SGCD: variants seen among roughly 807,000 people sequenced by gnomAD.
The protein encoded by SGCD is sarcoglycan delta, also known as delta-sarcoglycan.
Under a neutral mutation model 36.6 loss-of-function variants are expected in SGCD, and 18 were observed. The observed-to-expected ratio is 0.49, with a 90% CI of 0.34 to 0.73. The LOEUF (loss-of-function observed/expected upper bound fraction) is 0.73, where lower values mean the gene tolerates loss of function less well. SGCD is among the 30% of genes least tolerant of loss of function. The pLI is 0.01. For missense variants in SGCD, 387 were observed against 346.7 expected, an observed-to-expected ratio of 1.12 and a Z score of -0.92; for synonymous variants, 133 against 130.6, an observed-to-expected ratio of 1.02 and a Z score of -0.12.
the SGCD span, among the ~76,000 whole-genome samples, chr5:155,812,550 G>A: frequency 2.0e-5 from 3 of 152,286 alleles, no homozygotes; most frequent in Non-Finnish European, 4.4e-5. Flanking sequence ...ACCAAAAATA[G>A]GTAAGCAGCT....
chr5:156,346,330 A>G (rs1157841175), intron 3 of SGCD, among the ~76,000 whole-genome samples: 2 of 152,260 alleles, frequency 1.3e-5, no homozygotes, highest in East Asian at 3.9e-4. Context: ...GCAGGGTCTC[A>G]CTTTTTCACA....
intron 3 of SGCD, among the ~76,000 whole-genome samples, chr5:156,145,498 C>T (rs1762688683): frequency 6.6e-6 from 1 of 152,146 alleles, no homozygotes; most frequent in African/African-American, 2.4e-5. Flanking sequence ...CATTTTAAAG[C>T]ATCAAGATTT....
At chr5:155,960,004 G>A (rs1425848555) in intron 1 of SGCD, among the ~76,000 whole-genome samples, 2 of 152,042 alleles carry the variant, frequency 1.3e-5, no homozygotes, top group Non-Finnish European at 1.5e-5. Context: ...GAGAAAAAAT[G>A]TTTTTTAGTA....
chr5:156,198,832 T>C (rs1764080219), intron 3 of SGCD, among the ~76,000 whole-genome samples: 2 of 151,992 alleles, frequency 1.3e-5, no homozygotes, highest in African/African-American at 4.8e-5. Context: ...GTCAGGACTT[T>C]CCAGCCAATG....
chr5:156,530,567 CCTTTTTTTTTTCTTTTT>C (rs1220828535), intron 4 of SGCD, among the ~76,000 whole-genome samples: 5 of 150,486 alleles, frequency 3.3e-5, no homozygotes, highest in Non-Finnish European at 7.4e-5. Context: ...CTTTTCTTTT[CCTTTTTTTTTTCTTTTT>C]CTTTTTTTTT....
chr5:156,672,228 G>C (rs949332012), intron 7 of SGCD, among the ~76,000 whole-genome samples: 1 of 152,112 alleles, frequency 6.6e-6, no homozygotes. Flanking sequence ...GAGTGTTGGA[G>C]GTTTCACTCT....
At chr5:155,842,274 A>G in the SGCD span, among the ~76,000 whole-genome samples, 121 of 142,152 alleles carry the variant, frequency 8.5e-4, 1 homozygote, top group Middle Eastern at 3.6e-3. Flanking sequence ...TCTAATAGCC[A>G]AAAAAAAGAT....
At chr5:156,654,391 T>G (rs1283987340) in intron 7 of SGCD, among the ~76,000 whole-genome samples, 1 of 152,142 alleles carries the variant, frequency 6.6e-6, no homozygotes, top group Non-Finnish European at 1.5e-5. Flanking sequence ...AACAGTGGTT[T>G]GTGACAGAAA....
intron 7 of SGCD, among the ~76,000 whole-genome samples, chr5:156,703,757 T>A (rs1330569037): frequency 6.6e-6 from 1 of 152,184 alleles, no homozygotes; most frequent in Non-Finnish European, 1.5e-5. Flanking sequence ...AATATAATTA[T>A]GTGAAAAGTT....
chr5:155,922,537 T>TA (rs554952593), intron 1 of SGCD, among the ~76,000 whole-genome samples: 1 of 152,172 alleles, frequency 6.6e-6, no homozygotes, highest in African/African-American at 2.4e-5. Context: ...AAAATTAAGA[T>TA]AAAAAATGGC....
chr5:156,216,435 G>A (rs549194279), intron 3 of SGCD, among the ~76,000 whole-genome samples: 1 of 152,216 alleles, frequency 6.6e-6, no homozygotes, highest in Non-Finnish European at 1.5e-5. Context: ...ATAAATACAT[G>A]CAATTTTTAG....
the SGCD span, among the ~76,000 whole-genome samples, chr5:155,799,396 A>ATT: frequency 5.6e-5 from 7 of 124,824 alleles, no homozygotes; most frequent in Admixed American, 1.5e-4. Flanking sequence ...CAATGACTTT[A>ATT]TTTTTTTTTT....
intron 7 of SGCD, among the ~76,000 whole-genome samples, chr5:156,750,717 A>AAAAT (rs1398769619): frequency 1.3e-5 from 2 of 152,146 alleles, no homozygotes; most frequent in Admixed American, 6.5e-5. Context: ...ATGAAAACCT[A>AAAAT]AAATAACCTA....
intron 1 of SGCD, among the ~76,000 whole-genome samples, chr5:155,904,728 T>C (rs1756464749): frequency 6.6e-6 from 1 of 152,170 alleles, no homozygotes; most frequent in Admixed American, 6.6e-5. Flanking sequence ...TATAGGTTTT[T>C]TAAAAAATAC....
intron 4 of SGCD, among the ~76,000 whole-genome samples, chr5:156,524,417 G>T (rs1757564044): frequency 6.7e-6 from 1 of 149,396 alleles, no homozygotes; most frequent in South Asian, 2.1e-4. Context: ...TCTCCTAGTG[G>T]TCTAGCTTGG....
rs532950919 is a variant in SGCD at position 155,963,747 on chromosome 5, G to A, written c.-282+93323G>A. On this transcript the variant is annotated intron_variant, in intron 1 of 9. Coordinates refer to the SGCD transcript ENST00000517913. Reference sequence around the variant, plus strand: ...CCCAGTCTTCCTTATTCTCCTCTTTGCTATTGTCATGATGCATTCAGTAGG... The same window carrying A: ...CCCAGTCTTCCTTATTCTCCTCTTTACTATTGTCATGATGCATTCAGTAGG... Among the ~76,000 whole-genome samples, 6 of 152,036 alleles carry A rather than the reference G, an allele frequency of 3.9e-5. No individual in the cohort carries two copies. The South Asian group carries it at 1.2e-3, about 32-fold the overall frequency.
intron 1 of SGCD, among the ~76,000 whole-genome samples, chr5:155,977,273 C>T (rs1031383099): frequency 3.3e-5 from 5 of 152,170 alleles, no homozygotes; most frequent in Admixed American, 1.3e-4. Flanking sequence ...GAGAAACTTT[C>T]TTGTGTCTTC....
the SGCD span, among the ~76,000 whole-genome samples, chr5:155,802,391 CT>C: frequency 6.6e-6 from 1 of 152,218 alleles, no homozygotes; most frequent in African/African-American, 2.4e-5. Context: ...GATTCGTAAG[CT>C]TGCTTCTACA....
chr5:156,458,467 C>T, intron 3 of SGCD: 1 of 1,610,036 alleles, frequency 6.2e-7, no homozygotes, highest in Non-Finnish European at 8.5e-7. Context: ...CATGGCAGCT[C>T]ATCCCCAACA....
Sources: allele counts gnomAD v4.1 joint callset (sites outside exome capture counted in the v4.1 genomes callset), GRCh38; gene constraint gnomAD v4.1.1; transcripts MANE v1.5; gene names NCBI Gene and HGNC (gene_info 2026-07-23, HGNC 2026-07-21).